NFIB: variants seen among roughly 807,000 people sequenced by gnomAD.
NFIB encodes nuclear factor I B.
A neutral mutation model predicts 61.5 loss-of-function variants in NFIB; 11 were observed. The ratio of observed to expected loss-of-function variants is 0.18; its 90% CI spans 0.11 to 0.30. The LOEUF is 0.30. Ranked by LOEUF, NFIB falls within the 10% of genes least tolerant of loss-of-function variation. The pLI is 1.00. For synonymous variants in NFIB, 260 were observed against 216.5 expected, an observed-to-expected ratio of 1.20 and a Z score of -1.76; for missense variants, 471 against 608.9, an observed-to-expected ratio of 0.77 and a Z score of 2.38.
chr9:14,519,758 C>T, the NFIB span, among the ~76,000 whole-genome samples: 2 of 152,160 alleles, frequency 1.3e-5, no homozygotes, highest in Non-Finnish European at 2.9e-5. Flanking sequence ...ACTACCCCCA[C>T]AAAACAGCTG....
At chr9:14,124,024 A>G (rs1260078735) in intron 7 of NFIB, among the ~76,000 whole-genome samples, 2 of 152,008 alleles carry the variant, frequency 1.3e-5, no homozygotes, top group Non-Finnish European at 2.9e-5. Context: ...TGCCCAGCCA[A>G]TGACGTGGCC....
intron 1 of NFIB, among the ~76,000 whole-genome samples, chr9:14,321,339 G>T (rs1022133144): frequency 3.3e-5 from 5 of 152,070 alleles, no homozygotes; most frequent in African/African-American, 1.2e-4. Flanking sequence ...AAAAGTTGGT[G>T]GGGGGTGCGG....
rs1018989319 is a variant in NFIB, at chr9:14,086,393, A to T, written c.*1916T>A. The T allele has an allele frequency of 8.4e-5, 18 of 214,594 alleles. No individual in the cohort carries two copies. Among genetic ancestry groups the T allele is most frequent in the East Asian group, 2.1e-4 (3 of 14,498 alleles). 13.3% of individuals were successfully genotyped at this position (214,594 alleles called of 1,614,324 possible). A position where few individuals can be genotyped will look rare whatever the true frequency, so the allele number is the denominator to read the frequency against. The stretch of plus-strand genomic sequence containing the variant: ...AAAAAGCATACATTATTTTTTTTTT[A>T]AATCTGTGTACTTACCTATAATAAC... On this transcript the variant is annotated 3_prime_UTR_variant, in exon 11 of 11. Transcript: ENST00000380953.
the NFIB span, among the ~76,000 whole-genome samples, chr9:14,457,150 T>C: frequency 2.0e-5 from 3 of 152,144 alleles, no homozygotes; most frequent in Non-Finnish European, 4.4e-5. Flanking sequence ...AACATACACG[T>C]AAGTACAGCA....
the NFIB span, among the ~76,000 whole-genome samples, chr9:14,531,478 CA>C: frequency 6.6e-5 from 10 of 152,102 alleles, no homozygotes; most frequent in Non-Finnish European, 1.3e-4. Flanking sequence ...GGGACAGTCG[CA>C]TACTGATGAG....
chr9:14,118,013 G>C lies in NFIB; in HGVS notation c.1246-1667C>G, dbSNP rs1333731512. On this transcript the variant is annotated intron_variant, in intron 8 of 10. Transcript: ENST00000380953. Reference sequence around the variant, plus strand: ...TTTTTCCATTTCTAAAGCTAAAATGGTAAATACCAAGAATTCTAATTTGAA... The same window carrying C: ...TTTTTCCATTTCTAAAGCTAAAATGCTAAATACCAAGAATTCTAATTTGAA... Among the ~76,000 whole-genome samples the C allele has an allele frequency of 2.0e-5, 3 of 151,980 alleles. 1 individual carries two copies. Among genetic ancestry groups the C allele is most frequent in the Admixed American group, 6.6e-5 (1 of 15,250 alleles).
At chr9:14,509,936 G>A in the NFIB span, among the ~76,000 whole-genome samples, 2 of 152,042 alleles carry the variant, frequency 1.3e-5, no homozygotes, top group African/African-American at 2.4e-5. Flanking sequence ...TCGCTCTGTC[G>A]CCCAGGCTGG....
intron 6 of NFIB, among the ~76,000 whole-genome samples, chr9:14,143,991 AGTGTGTGT>A (rs141101627): frequency 8.8e-4 from 118 of 134,228 alleles, no homozygotes; most frequent in African/African-American, 8.9e-4. Flanking sequence ...AAAGTGACAG[AGTGTGTGT>A]GTGTGTGTGT....
At chr9:14,174,007 G>C (rs541664129) in intron 3 of NFIB, among the ~76,000 whole-genome samples, 1 of 152,088 alleles carries the variant, frequency 6.6e-6, no homozygotes, top group African/African-American at 2.4e-5. Context: ...AGGGCTATGC[G>C]TTCTTCTGGC....
chr9:14,280,876 A>G (rs1026007789), intron 2 of NFIB, among the ~76,000 whole-genome samples: 2 of 152,202 alleles, frequency 1.3e-5, no homozygotes, highest in Non-Finnish European at 2.9e-5. Flanking sequence ...GGATTCTTTT[A>G]TATGTTATAT....
chr9:14,207,482 CT>C (rs2049864081), intron 2 of NFIB, among the ~76,000 whole-genome samples: 1 of 152,220 alleles, frequency 6.6e-6, no homozygotes, highest in Non-Finnish European at 1.5e-5. Context: ...CAGAAAACCC[CT>C]TTTGCCCATA....
At chr9:14,230,098 C>A (rs1248038625) in intron 2 of NFIB, among the ~76,000 whole-genome samples, 1 of 152,162 alleles carries the variant, frequency 6.6e-6, no homozygotes, top group African/African-American at 2.4e-5. Context: ...AGCCACTGTG[C>A]CTGGCCTGAC....
intron 2 of NFIB, among the ~76,000 whole-genome samples, chr9:14,218,096 G>C (rs1206678845): frequency 6.6e-6 from 1 of 152,148 alleles, no homozygotes; most frequent in Non-Finnish European, 1.5e-5. Context: ...GGCAGTGGTT[G>C]CTTTGCCTAG....
At chr9:14,487,857 C>T in the NFIB span, among the ~76,000 whole-genome samples, 7 of 152,192 alleles carry the variant, frequency 4.6e-5, no homozygotes, top group South Asian at 4.2e-4. Flanking sequence ...AGACAGACGA[C>T]GAAGGATTTC....
At chr9:14,089,379 A>C (rs1034560943) in intron 10 of NFIB, among the ~76,000 whole-genome samples, 4 of 151,892 alleles carry the variant, frequency 2.6e-5, no homozygotes, top group Admixed American at 2.6e-4. Flanking sequence ...AAAAAAAAAA[A>C]AGACTGGAAA....
Position 14,337,096 on chromosome 9 carries a change from A to G in NFIB, c.109-29576T>C, listed in dbSNP as rs140185835. On this transcript the variant is annotated intron_variant, in intron 1 of 8. Transcript: ENST00000380934. ...AAACCATTCGTAGCTCTCAACCCAT[A>G]TAAGAGCAGTTAACAGGTTCTATTT... Among the ~76,000 whole-genome samples the G allele has an allele frequency of 7.2e-5, 11 of 152,334 alleles. No individual in the cohort carries two copies. The East Asian group carries it at 2.1e-3, about 29-fold the overall frequency.
the NFIB span, among the ~76,000 whole-genome samples, chr9:14,518,633 C>T: frequency 6.6e-6 from 1 of 151,504 alleles, no homozygotes; most frequent in East Asian, 1.9e-4. Flanking sequence ...CCTGCAGTTT[C>T]TGGGCTCAAG....
the NFIB span, among the ~76,000 whole-genome samples, chr9:14,519,090 G>A: frequency 6.6e-6 from 1 of 152,134 alleles, no homozygotes; most frequent in African/African-American, 2.4e-5. Context: ...TTGTGTGTAT[G>A]GTGGTGATGG....
the NFIB span, among the ~76,000 whole-genome samples, chr9:14,505,014 C>T: frequency 5.3e-5 from 8 of 152,208 alleles, no homozygotes; most frequent in South Asian, 2.1e-4. Flanking sequence ...CCTTCTATGC[C>T]GATTTTTCGA....
Sources: allele counts gnomAD v4.1 joint callset (sites outside exome capture counted in the v4.1 genomes callset), GRCh38; gene constraint gnomAD v4.1.1; transcripts MANE v1.5; gene names NCBI Gene and HGNC (gene_info 2026-07-23, HGNC 2026-07-21).